Variants in KLF10 observed in about 807,000 individuals in gnomAD.
The protein encoded by KLF10 is Krueppel-like factor 10.
In KLF10, 17 loss-of-function variants were observed where a neutral mutation model predicts 31.6. The ratio of observed to expected loss-of-function variants is 0.54; its 90% CI spans 0.37 to 0.81. KLF10 has a LOEUF of 0.81. Among genes scored for constraint, KLF10 ranks in the 30% least tolerant of loss-of-function variants. The probability of loss-of-function intolerance (pLI) is 0.00; values close to 1 mark genes in which losing one functional copy is unlikely to be tolerated. For synonymous variants in KLF10, 239 were observed against 215.1 expected, an observed-to-expected ratio of 1.11 and a Z score of -0.97; for missense variants, 525 against 598.1, an observed-to-expected ratio of 0.88 and a Z score of 1.27.
At chr8:102,650,686 GT>G (rs1230529724) in intron 3 of KLF10, among the ~76,000 whole-genome samples, 1 of 152,078 alleles carries the variant, frequency 6.6e-6, no homozygotes, top group African/African-American at 2.4e-5. Flanking sequence ...TTTGAGACCA[GT>G]TTGGGCAACA....
Position 102,650,249 on chromosome 8 carries a change from G to A in KLF10, c.1326C>T (p.Asp442=), listed in dbSNP as rs1827172287. Residue 442 remains aspartate (D), a synonymous_variant, in exon 4 of 4, where the codon GAC becomes GAT. Transcript: ENST00000285407. ...GGCGCCGGGCATGCTTGGTCAAATG[G>A]TCACTCCTCATGAACCGCCGGTCAC... The part of the protein sequence containing the change: ...PMCDRRFMRS[D]HLTKHARRHL... 6.8e-6 allele frequency: 11 copies of A among 1,614,110 alleles called. No homozygotes were observed. Among genetic ancestry groups the A allele is most frequent in the Non-Finnish European group, 7.6e-6 (9 of 1,180,028 alleles).
Position 102,650,145 on chromosome 8 carries a change from G to T in KLF10, c.1430C>A (p.Ala477Asp). The change falls in exon 4 of 4, where the codon GCT becomes GAT. Residue 477 changes from alanine to aspartate, a missense_variant. Physicochemically the swap from Ala to Asp is moderately radical, Grantham distance 126. Transcript: ENST00000285407. ...LNDIALPPTP[A>D]PTQ ...CTTTCCGGTCTGTCACTGTGTGGGAGCAGGGGTTGGAGGTAGAGCAATGTC... is the reference window on the plus strand; with the variant it reads ...CTTTCCGGTCTGTCACTGTGTGGGATCAGGGGTTGGAGGTAGAGCAATGTC... 6.2e-7 allele frequency: 1 copy of T among 1,614,196 alleles called. No homozygotes were observed. The highest frequency in any genetic ancestry group is 8.5e-7 in the Non-Finnish European group (1 of 1,180,012).
Position 102,650,028 on chromosome 8 carries a change from A to T in KLF10, c.*104T>A. ...TGCCAGGCTGTGGGGCTTCTGCTTT[A>T]AGCCCACGTTGTGGGGCCACAGACT... On this transcript the variant is annotated 3_prime_UTR_variant, in exon 4 of 4. Transcript: ENST00000285407. 1 of 1,433,724 alleles carries T rather than the reference A, an allele frequency of 7.0e-7. No individual in the cohort carries two copies. The highest frequency in any genetic ancestry group is 9.4e-7 in the Non-Finnish European group (1 of 1,063,558). The allele number at this position is 1,433,724 out of a possible 1,614,324, so 88.8% of individuals were successfully genotyped here.
chr8:102,651,129 A>G lies in KLF10; in HGVS notation c.1183+20T>C. ...AAATCTCTTCATTTAAACACTAAAGATATAAGAAGTGGCTGGTACCTGTGT... is the reference window on the plus strand; with the variant it reads ...AAATCTCTTCATTTAAACACTAAAGGTATAAGAAGTGGCTGGTACCTGTGT... On this transcript the variant is annotated intron_variant, in intron 3 of 3. Transcript: ENST00000285407. 1 of 1,492,656 alleles carries G rather than the reference A, an allele frequency of 6.7e-7. No individual in the cohort carries two copies. Among genetic ancestry groups the G allele is most frequent in the South Asian group, 1.4e-5 (1 of 70,892 alleles). The allele number at this position is 1,492,656 out of a possible 1,614,324, so 92.5% of individuals were successfully genotyped here.
chr8:102,651,959 T>C lies in KLF10; in HGVS notation c.373A>G (p.Thr125Ala), dbSNP rs1367703730. 1.2e-6 allele frequency: 2 copies of C among 1,613,940 alleles called. No individual in the cohort carries two copies. The highest frequency in any genetic ancestry group is 8.5e-7 in the Non-Finnish European group (1 of 1,180,040). Residue 125 changes from threonine to alanine, a missense_variant, in exon 3 of 4, where the codon ACT becomes GCT. Coordinates refer to ENST00000285407, the MANE Select transcript of KLF10 (RefSeq NM_005655.4). Reference sequence around the variant, plus strand: ...GGTGCGGCAATGTGAGGTTTGGCAGTATCTGAGAGTGACTTGAAGTGTACA... The same window carrying C: ...GGTGCGGCAATGTGAGGTTTGGCAGCATCTGAGAGTGACTTGAAGTGTACA... Reference protein sequence around the residue: ...STVHFKSLSDTAKPHIAAPFK... With the variant: ...STVHFKSLSDAAKPHIAAPFK...
chr8:102,655,393 C>G (rs1177433373), intron 1 of KLF10, among the ~76,000 whole-genome samples, 173 bp downstream of exon 1: 1 of 152,202 alleles, frequency 6.6e-6, no homozygotes, highest in Non-Finnish European at 1.5e-5. Context: ...CGAACACACA[C>G]GCCCTCACTA....
rs909691945 is a variant in KLF10, at chr8:102,653,412, C to T, written c.37-1015G>A. On this transcript the variant is annotated intron_variant, in intron 1 of 3. Coordinates refer to ENST00000285407, the MANE Select transcript of KLF10 (RefSeq NM_005655.4). ...GGTTTTGCACTTATTTGTAGAACTA[C>T]CTAATGTTTTATAGTAAAGTTCTTT... 5.6e-6 allele frequency: 8 copies of T among 1,417,794 alleles called. No individual in the cohort carries two copies. The African/African-American group carries it at 5.9e-5, about 10-fold the overall frequency. The allele number at this position is 1,417,794 out of a possible 1,614,324, so 87.8% of individuals were successfully genotyped here.
chr8:102,654,619 C>T (rs188083234), intron 1 of KLF10, among the ~76,000 whole-genome samples: 87 of 152,150 alleles, frequency 5.7e-4, no homozygotes, highest in Admixed American at 2.4e-3. Context: ...CAGACCACCC[C>T]GTCTCTCCCT....
chr8:102,653,110 A>C (rs1827256783), intron 1 of KLF10, among the ~76,000 whole-genome samples: 2 of 152,222 alleles, frequency 1.3e-5, no homozygotes, highest in Admixed American at 1.3e-4. Flanking sequence ...TGGTAAAGAA[A>C]AATCAAGTGA....
At chr8:102,653,073 A>C (rs1337320360) in intron 1 of KLF10, among the ~76,000 whole-genome samples, 1 of 152,246 alleles carries the variant, frequency 6.6e-6, no homozygotes, top group Non-Finnish European at 1.5e-5. Flanking sequence ...TGCATTATTT[A>C]AGATCTAAAA....
intron 3 of KLF10, among the ~76,000 whole-genome samples, chr8:102,650,842 G>A (rs1342811001): frequency 6.6e-6 from 1 of 152,148 alleles, no homozygotes. Flanking sequence ...TGAAACAAAA[G>A]CACATCAATA....
At position 102,649,109 on chromosome 8, in the gene KLF10, A is replaced by C. The variant is rs1383817958; in HGVS notation, c.*1023T>G. ...TACCCAACTACCTCCACATCCCCAA[A>C]AAACGCCTATAAATTAACAGGACAA... On this transcript the variant is annotated 3_prime_UTR_variant, in exon 4 of 4. Coordinates refer to ENST00000285407, the MANE Select transcript of KLF10 (RefSeq NM_005655.4). 7.5e-6 allele frequency: 1 copy of C among 134,120 alleles called. No individual in the cohort carries two copies. The highest frequency in any genetic ancestry group is 1.6e-5 in the Non-Finnish European group (1 of 62,646). 8.3% of individuals were successfully genotyped at this position (134,120 alleles called of 1,614,324 possible).
chr8:102,655,092 C>T (rs988462418), intron 1 of KLF10, among the ~76,000 whole-genome samples: 3 of 152,156 alleles, frequency 2.0e-5, no homozygotes. Context: ...CTCCCGAGTG[C>T]TTGCGAGCAG....
chr8:102,653,736 C>T, intron 1 of KLF10: 1 of 1,164,218 alleles, frequency 8.6e-7, no homozygotes, highest in Non-Finnish European at 1.1e-6. Flanking sequence ...AGCCCCAAGA[C>T]GCCAATGCAA....
In KLF10 at chr8:102,651,660, T is replaced by G; in HGVS notation, c.672A>C (p.Ala224=). ...CAGAAAAGTCATAAAGTGCAGCACT[T>G]GCTTTCTCATCAACATCTGCCACTG... ...RNTVADVDEK[A]SAALYDFSVP... The change falls in exon 3 of 4, where the codon GCA becomes GCC. Residue 224 remains alanine (A), a synonymous_variant. Coordinates refer to ENST00000285407, the MANE Select transcript of KLF10 (RefSeq NM_005655.4). 6.2e-7 allele frequency: 1 copy of G among 1,614,248 alleles called. No homozygotes were observed. Among genetic ancestry groups the G allele is most frequent in the Non-Finnish European group, 8.5e-7 (1 of 1,180,052 alleles).
intron 1 of KLF10, chr8:102,654,056 C>G (rs1431001640): frequency 1.1e-6 from 1 of 896,814 alleles, no homozygotes; most frequent in Non-Finnish European, 1.3e-6. Flanking sequence ...CTCGGCGGCC[C>G]GAGCCCGGAT....
rs146850720 is a variant in KLF10 at position 102,653,680 on chromosome 8, G to A, written c.37-1283C>T. The A allele has an allele frequency of 6.0e-4, 765 of 1,270,406 alleles. 7 individuals carry two copies. In the African/African-American group the frequency reaches 9.7e-3, roughly 16 times the overall value. The allele number at this position is 1,270,406 out of a possible 1,614,324, so 78.7% of individuals were successfully genotyped here. On this transcript the variant is annotated intron_variant, in intron 1 of 3. Coordinates refer to ENST00000285407, the MANE Select transcript of KLF10 (RefSeq NM_005655.4). ...GCTAACAATATAATTGCATAATCGC[G>A]CCCGCCTTTATGTAAGCTGCAATGG...
At position 102,649,372 on chromosome 8, in the gene KLF10, A is replaced by C. The variant is rs1827152195; in HGVS notation, c.*760T>G. The C allele has an allele frequency of 6.6e-6, 1 of 152,212 alleles. No individual in the cohort carries two copies. Among genetic ancestry groups the C allele is most frequent in the Admixed American group, 6.5e-5 (1 of 15,282 alleles). 9.4% of individuals were successfully genotyped at this position (152,212 alleles called of 1,614,324 possible). A position where few individuals can be genotyped will look rare whatever the true frequency, so the allele number is the denominator to read the frequency against. ...GAAAACACATTGGTATACAATTTTCAAATCTACACAAGAAACTGCAGGCAA... is the reference window on the plus strand; with the variant it reads ...GAAAACACATTGGTATACAATTTTCCAATCTACACAAGAAACTGCAGGCAA... On this transcript the variant is annotated 3_prime_UTR_variant, in exon 4 of 4. Coordinates refer to ENST00000285407, the MANE Select transcript of KLF10 (RefSeq NM_005655.4).
Position 102,651,534 on chromosome 8 carries a change from T to C in KLF10, c.798A>G (p.Gly266=). 1.2e-6 allele frequency: 2 copies of C among 1,612,964 alleles called. No homozygotes were observed. The highest frequency in any genetic ancestry group is 8.5e-7 in the Non-Finnish European group (1 of 1,179,226). Residue 266 remains glycine, a synonymous_variant, in exon 3 of 4, where the codon GGA becomes GGG. Coordinates refer to ENST00000285407, the MANE Select transcript of KLF10 (RefSeq NM_005655.4). Reference sequence around the variant, plus strand: ...GGCAGATGACCGGCATAGGTGGCACTCCCCCTGCAGATACTGCAGGTGGAG... The same window carrying C: ...GGCAGATGACCGGCATAGGTGGCACCCCCCCTGCAGATACTGCAGGTGGAG... ...LVSPPAVSAG[G]VPPMPVICQM...
Sources: gnomAD v4.1 joint callset for allele counts (sites outside exome capture counted in the v4.1 genomes callset) on GRCh38, gnomAD v4.1.1 for gene constraint, MANE v1.5 for transcripts, NCBI Gene and HGNC (gene_info 2026-07-23, HGNC 2026-07-21) for gene names.